The following ATE1 variants were observed in gnomAD, a reference collection of about 807,000 sequenced individuals.
The protein encoded by ATE1 is arginyl-tRNA--protein transferase 1.
In ATE1, 36 loss-of-function variants were observed where a neutral mutation model predicts 70.5. That is an observed-to-expected ratio of 0.51 (90% CI 0.39 to 0.67). The LOEUF (loss-of-function observed/expected upper bound fraction) is 0.67, where lower values mean the gene tolerates loss of function less well. Among genes scored for constraint, ATE1 ranks in the 30% least tolerant of loss-of-function variants. ATE1 has a pLI of 0.00. For missense variants in ATE1, 593 were observed against 629.5 expected (o/e 0.94, Z 0.62); for synonymous variants, 232 against 219.3 (o/e 1.06, Z -0.51).
At chr10:121,851,323 G>A (rs1949048626) in intron 8 of ATE1, among the ~76,000 whole-genome samples, 1 of 152,150 alleles carries the variant, frequency 6.6e-6, no homozygotes, top group African/African-American at 2.4e-5. Flanking sequence ...TGGATGCTGA[G>A]GTGGGAGGAT....
At chr10:121,803,803 G>A (rs1163770758) in intron 10 of ATE1, among the ~76,000 whole-genome samples, 1 of 152,218 alleles carries the variant, frequency 6.6e-6, no homozygotes, top group Non-Finnish European at 1.5e-5. Context: ...TTACACCCCT[G>A]AGGGGAATAA....
intron 8 of ATE1, among the ~76,000 whole-genome samples, chr10:121,842,669 A>C (rs1948674296): frequency 2.0e-5 from 3 of 152,348 alleles, no homozygotes; most frequent in Admixed American, 2.0e-4. Context: ...GGCTGACTTC[A>C]CATTAGAAAA....
At chr10:121,858,405 G>C (rs1949328501) in intron 8 of ATE1, among the ~76,000 whole-genome samples, 1 of 151,438 alleles carries the variant, frequency 6.6e-6, no homozygotes, top group Non-Finnish European at 1.5e-5. Flanking sequence ...TTTTGGTTTT[G>C]ATTTGTATTT....
intron 1 of ATE1, among the ~76,000 whole-genome samples, chr10:121,926,175 C>G (rs575147112): frequency 2.0e-5 from 3 of 152,242 alleles, no homozygotes; most frequent in African/African-American, 7.2e-5. Context: ...TGCCACTGAA[C>G]TCCAGCCTGG....
chr10:121,751,102 G>T (rs1214808986), intron 11 of ATE1, among the ~76,000 whole-genome samples: 2 of 152,210 alleles, frequency 1.3e-5, no homozygotes, highest in African/African-American at 4.8e-5. Flanking sequence ...AAGCCCATTT[G>T]GTGGGAGGCT....
intron 10 of ATE1, among the ~76,000 whole-genome samples, chr10:121,800,593 T>G (rs1428068620): frequency 6.6e-6 from 1 of 152,146 alleles, no homozygotes; most frequent in East Asian, 1.9e-4. Context: ...AATTAAAATG[T>G]AAGTACACCA....
intron 10 of ATE1, among the ~76,000 whole-genome samples, chr10:121,809,307 T>TAA (rs112142875): frequency 5.3e-4 from 77 of 144,062 alleles, no homozygotes; most frequent in Middle Eastern, 3.5e-3. Context: ...TTTTTTCAAG[T>TAA]AAAAAAAAAA....
At chr10:121,847,308 C>T (rs1948864703) in intron 8 of ATE1, among the ~76,000 whole-genome samples, 1 of 151,914 alleles carries the variant, frequency 6.6e-6, no homozygotes, top group Non-Finnish European at 1.5e-5. Context: ...ATTAGCTGGG[C>T]ATGGTGGTGG....
intron 10 of ATE1, among the ~76,000 whole-genome samples, chr10:121,834,660 T>C (rs1421536519): frequency 6.6e-6 from 1 of 151,562 alleles, no homozygotes. Flanking sequence ...AACATCTTCA[T>C]GAAGAGGAAA....
intron 4 of ATE1, among the ~76,000 whole-genome samples, chr10:121,912,460 G>A (rs1951477660): frequency 6.6e-6 from 1 of 151,500 alleles, no homozygotes; most frequent in African/African-American, 2.4e-5. Flanking sequence ...GACCAGCCTG[G>A]CCAACACAGT....
At chr10:121,809,981 C>G (rs9651481) in intron 10 of ATE1, among the ~76,000 whole-genome samples, 138,759 of 152,046 alleles carry the variant, frequency 0.91, 63,495 homozygotes, top group Middle Eastern at 0.98. Flanking sequence ...CATCTCCACT[C>G]TGCCCAGGTG....
At chr10:121,769,162 G>A (rs1945398619) in intron 11 of ATE1, among the ~76,000 whole-genome samples, 1 of 152,126 alleles carries the variant, frequency 6.6e-6, no homozygotes, top group Non-Finnish European at 1.5e-5. Flanking sequence ...TATAGATACA[G>A]AAATCAAGAC....
intron 11 of ATE1, among the ~76,000 whole-genome samples, chr10:121,776,320 C>T (rs1247438682): frequency 1.0e-5 from 1 of 100,236 alleles, no homozygotes; most frequent in Admixed American, 1.3e-4. Flanking sequence ...CTTCCCTCCC[C>T]ACCATCCTGC....
intron 11 of ATE1, among the ~76,000 whole-genome samples, chr10:121,785,349 A>G (rs1477743665): frequency 6.6e-6 from 1 of 152,218 alleles, no homozygotes; most frequent in Non-Finnish European, 1.5e-5. Flanking sequence ...TTTCCCAGTG[A>G]TGAAAATGAC....
chr10:121,831,694 CAT>C (rs1323883265), intron 10 of ATE1, among the ~76,000 whole-genome samples: 1 of 152,086 alleles, frequency 6.6e-6, no homozygotes. Context: ...TTTGAAAAAA[CAT>C]AAATTTTCTA....
intron 11 of ATE1, among the ~76,000 whole-genome samples, chr10:121,751,621 G>A (rs1002090721): frequency 1.3e-5 from 2 of 152,096 alleles, no homozygotes; most frequent in Non-Finnish European, 2.9e-5. Context: ...TCTTAGAAAT[G>A]TCTGTTTAAA....
At chr10:121,898,013 C>T (rs1444229211) in intron 7 of ATE1, among the ~76,000 whole-genome samples, 1 of 151,958 alleles carries the variant, frequency 6.6e-6, no homozygotes, top group Non-Finnish European at 1.5e-5. Context: ...TTTTAGCTTA[C>T]ACATCGTGTC....
At chr10:121,906,791 G>A (rs1006226943) in intron 5 of ATE1, among the ~76,000 whole-genome samples, 6 of 151,936 alleles carry the variant, frequency 3.9e-5, no homozygotes, top group African/African-American at 7.2e-5. Flanking sequence ...TGGAGATGGG[G>A]TTTCACCATG....
intron 10 of ATE1, among the ~76,000 whole-genome samples, chr10:121,811,805 A>G (rs1390710977): frequency 6.6e-6 from 1 of 152,160 alleles, no homozygotes; most frequent in Non-Finnish European, 1.5e-5. Context: ...CCTGTATCCA[A>G]AAAAATATGA....
Sources: gnomAD v4.1 joint callset for allele counts (sites outside exome capture counted in the v4.1 genomes callset) on GRCh38, gnomAD v4.1.1 for gene constraint, MANE v1.5 for transcripts, NCBI Gene and HGNC (gene_info 2026-07-23, HGNC 2026-07-21) for gene names.